Variants in OCA2 observed in about 807,000 individuals in gnomAD.
The protein encoded by OCA2 is P protein.
OCA2 carries 77 observed loss-of-function variants against 100.2 expected under a neutral mutation model. The ratio of observed to expected loss-of-function variants is 0.77; its 90% CI spans 0.64 to 0.93. OCA2 has a LOEUF of 0.93. OCA2 is among the 40% of genes least tolerant of loss of function. OCA2 has a pLI of 0.00. For synonymous variants in OCA2, 432 were observed against 439.2 expected, an observed-to-expected ratio of 0.98 and a Z score of 0.21; for missense variants, 1,062 against 1,089.1, an observed-to-expected ratio of 0.98 and a Z score of 0.35.
intron 22 of OCA2, among the ~76,000 whole-genome samples, chr15:27,847,648 T>G (rs1312252356): frequency 6.6e-6 from 1 of 152,178 alleles, no homozygotes; most frequent in Non-Finnish European, 1.5e-5. Context: ...TCTGCACAGA[T>G]GTATTGGAAA....
chr15:27,907,920 G>A (rs1208544024), intron 19 of OCA2, among the ~76,000 whole-genome samples: 1 of 152,078 alleles, frequency 6.6e-6, no homozygotes, highest in Non-Finnish European at 1.5e-5. Flanking sequence ...CAGGGGAATT[G>A]TATCAAGCCC....
intron 2 of OCA2, among the ~76,000 whole-genome samples, chr15:28,070,652 C>T (rs2044228589): frequency 6.7e-6 from 1 of 149,254 alleles, no homozygotes; most frequent in African/African-American, 2.5e-5. Context: ...ACCACCCCGT[C>T]TGGGAGGTGT....
At chr15:27,848,685 A>G (rs1165515527) in intron 22 of OCA2, among the ~76,000 whole-genome samples, 10 of 152,222 alleles carry the variant, frequency 6.6e-5, no homozygotes. Flanking sequence ...CCTCCAGGGT[A>G]ACTCCTGTGT....
chr15:28,000,233 A>C (rs1473670159), intron 9 of OCA2, among the ~76,000 whole-genome samples: 3 of 152,236 alleles, frequency 2.0e-5, no homozygotes, highest in African/African-American at 4.8e-5. Context: ...TATAGCAATC[A>C]AAACAGTATG....
intron 23 of OCA2, among the ~76,000 whole-genome samples, chr15:27,791,765 T>G (rs1414997852): frequency 6.6e-6 from 1 of 152,174 alleles, no homozygotes; most frequent in Admixed American, 6.5e-5. Context: ...GAGGGACTCT[T>G]GAGCAACGTA....
At chr15:27,875,688 C>A (rs573910117) in intron 19 of OCA2, among the ~76,000 whole-genome samples, 2 of 152,038 alleles carry the variant, frequency 1.3e-5, no homozygotes, top group South Asian at 4.1e-4. Context: ...ACAAAAATTT[C>A]TTTTCAAAAT....
chr15:27,962,720 A>T (rs1459531021), intron 15 of OCA2, among the ~76,000 whole-genome samples: 1 of 152,238 alleles, frequency 6.6e-6, no homozygotes, highest in Non-Finnish European at 1.5e-5. Flanking sequence ...TACTCAATTA[A>T]TTCAAAAGAA....
At chr15:28,053,678 C>T (rs1408834800) in intron 2 of OCA2, among the ~76,000 whole-genome samples, 1 of 152,180 alleles carries the variant, frequency 6.6e-6, no homozygotes, top group African/African-American at 2.4e-5. Context: ...AGAGGGGGAC[C>T]TCACCTCAGA....
intron 18 of OCA2, among the ~76,000 whole-genome samples, chr15:27,942,243 C>T (rs1448492): frequency 0.66 from 97,920 of 148,048 alleles, 34,218 homozygotes; most frequent in African/African-American, 0.77. Flanking sequence ...GATATACATA[C>T]GATATACATA....
chr15:27,849,703 T>C (rs1421222843), intron 22 of OCA2, among the ~76,000 whole-genome samples: 1 of 152,162 alleles, frequency 6.6e-6, no homozygotes, highest in Non-Finnish European at 1.5e-5. Context: ...AGCTTCAGCC[T>C]GGGCTGGTGA....
intron 1 of OCA2, among the ~76,000 whole-genome samples, chr15:28,089,827 A>C (rs2141955103): frequency 6.6e-6 from 1 of 152,216 alleles, no homozygotes; most frequent in African/African-American, 2.4e-5. Context: ...GGCTTGAAAA[A>C]CTACTTATTG....
chr15:27,746,542 C>A, the OCA2 span, among the ~76,000 whole-genome samples: 3 of 152,168 alleles, frequency 2.0e-5, no homozygotes, highest in South Asian at 2.1e-4. Context: ...GAAAAACAAT[C>A]CTTGTTCCAA....
downstream of OCA2, among the ~76,000 whole-genome samples, chr15:27,752,794 T>TCCCCCC (rs1430340470): frequency 3.9e-5 from 1 of 25,404 alleles, no homozygotes; most frequent in Non-Finnish European, 5.5e-5. Context: ...CAGGTCCTGG[T>TCCCCCC]CCCCCACCCC....
chr15:28,002,792 T>C (rs948224860), intron 9 of OCA2, among the ~76,000 whole-genome samples: 2 of 152,220 alleles, frequency 1.3e-5, no homozygotes, highest in Non-Finnish European at 2.9e-5. Flanking sequence ...GTTGATATTT[T>C]GTCATTATTG....
intron 23 of OCA2, among the ~76,000 whole-genome samples, chr15:27,804,157 C>G (rs916089034): frequency 6.6e-6 from 1 of 151,990 alleles, no homozygotes; most frequent in Non-Finnish European, 1.5e-5. Context: ...AAAACCACAC[C>G]AAAAGGAATT....
intron 14 of OCA2, among the ~76,000 whole-genome samples, chr15:27,972,276 T>A (rs1330955943): frequency 6.6e-6 from 1 of 152,232 alleles, no homozygotes; most frequent in Non-Finnish European, 1.5e-5. Context: ...TGAGTCCATA[T>A]CTCTGCAGTT....
intron 19 of OCA2, among the ~76,000 whole-genome samples, chr15:27,894,924 C>A (rs2037624388): frequency 6.6e-6 from 1 of 152,222 alleles, no homozygotes; most frequent in Admixed American, 6.5e-5. Context: ...ATGTAACTCT[C>A]ACCTTTTGCC....
chr15:27,889,068 CA>C (rs1219094874), intron 19 of OCA2, among the ~76,000 whole-genome samples: 1 of 151,950 alleles, frequency 6.6e-6, no homozygotes, highest in African/African-American at 2.4e-5. Flanking sequence ...TATTAAACTA[CA>C]GGTTAGACTG....
intron 4 of OCA2, among the ~76,000 whole-genome samples, chr15:28,025,321 A>G (rs1171148530): frequency 2.6e-5 from 4 of 152,224 alleles, no homozygotes; most frequent in African/African-American, 9.6e-5. Context: ...CATCAAATAC[A>G]AAAACAAATA....
Sources: gnomAD v4.1 joint callset for allele counts (sites outside exome capture counted in the v4.1 genomes callset) on GRCh38, gnomAD v4.1.1 for gene constraint, MANE v1.5 for transcripts, NCBI Gene and HGNC (gene_info 2026-07-23, HGNC 2026-07-21) for gene names.